Variants in SYT1 observed in about 807,000 individuals in gnomAD.
SYT1 encodes the protein synaptotagmin 1, also known as synaptotagmin-1.
In SYT1, 8 loss-of-function variants were observed where a neutral mutation model predicts 44.8. That is an observed-to-expected ratio of 0.18 (90% CI 0.10 to 0.32). The LOEUF (loss-of-function observed/expected upper bound fraction) is 0.32, where lower values mean the gene tolerates loss of function less well. Ranked by LOEUF, SYT1 falls within the 10% of genes least tolerant of loss-of-function variation. SYT1 has a pLI of 1.00. For synonymous variants in SYT1, 154 were observed against 188.8 expected (o/e 0.82, Z 1.51); for missense variants, 286 against 509.3 (o/e 0.56, Z 4.22).
intron 8 of SYT1, among the ~76,000 whole-genome samples, chr12:79,321,334 T>C (rs1881348649): frequency 6.6e-6 from 1 of 152,056 alleles, no homozygotes; most frequent in African/African-American, 2.4e-5. Context: ...GTATTGGGAG[T>C]TCAGGAAATG....
chr12:79,178,931 TATATAGATATAG>T (rs367925795), intron 3 of SYT1, among the ~76,000 whole-genome samples: 597 of 51,720 alleles, frequency 0.012, 78 homozygotes, highest in Middle Eastern at 0.016. Flanking sequence ...TAGATATATC[TATATAGATATAG>T]ATATAGATAT....
At chr12:79,156,202 G>A (rs541418086) in intron 3 of SYT1, among the ~76,000 whole-genome samples, 22 of 152,264 alleles carry the variant, frequency 1.4e-4, no homozygotes, top group Middle Eastern at 3.4e-3. Context: ...ACAGAATTGT[G>A]AAGCTAATCC....
chr12:79,199,093 C>G (rs928105983), intron 3 of SYT1, among the ~76,000 whole-genome samples: 2 of 152,150 alleles, frequency 1.3e-5, no homozygotes, highest in Admixed American at 6.5e-5. Context: ...AAAGAAATCT[C>G]AAGGGCAGTA....
intron 2 of SYT1, among the ~76,000 whole-genome samples, chr12:79,000,288 CTT>C (rs559894598): frequency 0.078 from 8,769 of 112,668 alleles, 304 homozygotes; most frequent in East Asian, 0.16. Context: ...TTAACTGCTT[CTT>C]TTTTTTTTTT....
intron 1 of SYT1, among the ~76,000 whole-genome samples, chr12:78,871,344 G>A (rs1200200185): frequency 6.6e-6 from 1 of 151,956 alleles, no homozygotes; most frequent in African/African-American, 2.4e-5. Flanking sequence ...CATTACAGCA[G>A]CAGGCAACAC....
chr12:79,044,003 G>A (rs1873801175), intron 2 of SYT1, among the ~76,000 whole-genome samples: 1 of 152,134 alleles, frequency 6.6e-6, no homozygotes, highest in Non-Finnish European at 1.5e-5. Context: ...TCCGCTGTTA[G>A]TCTGATGGGC....
intron 3 of SYT1, among the ~76,000 whole-genome samples, chr12:79,118,995 C>T (rs1448816439): frequency 1.3e-5 from 2 of 152,196 alleles, no homozygotes; most frequent in Non-Finnish European, 2.9e-5. Flanking sequence ...TTTGAATTCC[C>T]TATTCTCTAT....
chr12:79,344,038 T>G (rs1882494687), intron 8 of SYT1, among the ~76,000 whole-genome samples: 1 of 152,176 alleles, frequency 6.6e-6, no homozygotes, highest in Admixed American at 6.5e-5. Context: ...TAAAGTAAAA[T>G]CATGGAAATA....
intron 2 of SYT1, among the ~76,000 whole-genome samples, chr12:79,006,350 G>A (rs1370999912): frequency 6.6e-6 from 1 of 152,076 alleles, no homozygotes; most frequent in African/African-American, 2.4e-5. Flanking sequence ...AATTGCCAAG[G>A]CCAAAGAGTG....
At chr12:79,247,687 C>T (rs982078626) in intron 4 of SYT1, among the ~76,000 whole-genome samples, 1 of 151,936 alleles carries the variant, frequency 6.6e-6, no homozygotes, top group Non-Finnish European at 1.5e-5. Flanking sequence ...TTCTAGAGTA[C>T]ACAACAATGG....
chr12:79,325,118 G>A (rs535439659), intron 8 of SYT1, among the ~76,000 whole-genome samples: 6 of 152,224 alleles, frequency 3.9e-5, no homozygotes, highest in South Asian at 4.1e-4. Context: ...GTTAATATCC[G>A]ATTCCTATTC....
chr12:79,250,361 AAC>A (rs1233628659), intron 4 of SYT1, among the ~76,000 whole-genome samples: 1 of 152,184 alleles, frequency 6.6e-6, no homozygotes. Context: ...CCGGTATGTA[AAC>A]ATATTCCTCC....
At chr12:79,277,112 G>A (rs1878780409) in intron 4 of SYT1, among the ~76,000 whole-genome samples, 1 of 151,978 alleles carries the variant, frequency 6.6e-6, no homozygotes, top group Non-Finnish European at 1.5e-5. Context: ...TGGAATATTA[G>A]ACATCTAGAC....
chr12:78,891,311 A>C lies in SYT1; in HGVS notation c.-217+26202A>C, dbSNP rs532017838. On this transcript the variant is annotated intron_variant, in intron 1 of 10. Transcript: ENST00000261205. ...TTATATATTATCATCCACATTTTGC[A>C]GATAAGAAAACAGTACATTTAGAGA... 4.7e-4 allele frequency among the ~76,000 whole-genome samples: 71 copies of C among 152,028 alleles called. 1 individual carries two copies. The highest frequency in any genetic ancestry group is 1.5e-3 in the African/African-American group (64 of 41,544).
chr12:79,320,530 G>A (rs1279063537), intron 8 of SYT1, among the ~76,000 whole-genome samples: 1 of 151,948 alleles, frequency 6.6e-6, no homozygotes, highest in Non-Finnish European at 1.5e-5. Context: ...TATTAGATGA[G>A]GAACAGTTGT....
intron 9 of SYT1, among the ~76,000 whole-genome samples, chr12:79,439,529 G>A (rs989516872): frequency 1.3e-5 from 2 of 152,110 alleles, no homozygotes; most frequent in African/African-American, 4.8e-5. Context: ...ATTTGCTAAT[G>A]GTGGTTACCA....
intron 1 of SYT1, among the ~76,000 whole-genome samples, chr12:78,907,198 T>G (rs370166747): frequency 6.6e-6 from 1 of 151,942 alleles, no homozygotes; most frequent in South Asian, 2.1e-4. Context: ...AAAAAAGATA[T>G]GCAAGTTCAT....
At chr12:79,060,635 T>A (rs1394197419) in intron 3 of SYT1, among the ~76,000 whole-genome samples, 1 of 152,134 alleles carries the variant, frequency 6.6e-6, no homozygotes, top group Non-Finnish European at 1.5e-5. Context: ...TATTGTAGCA[T>A]GTGTCAAAAT....
At chr12:79,030,535 A>C (rs1445703618) in intron 2 of SYT1, among the ~76,000 whole-genome samples, 3 of 150,622 alleles carry the variant, frequency 2.0e-5, no homozygotes, top group African/African-American at 7.3e-5. Context: ...TGCATAAAAA[A>C]CTCATTATAG....
Sources: allele counts gnomAD v4.1 joint callset (sites outside exome capture counted in the v4.1 genomes callset), GRCh38; gene constraint gnomAD v4.1.1; transcripts MANE v1.5; gene names NCBI Gene and HGNC (gene_info 2026-07-23, HGNC 2026-07-21).